VAC14: variants seen among roughly 807,000 people sequenced by gnomAD.
VAC14 encodes the protein protein VAC14 homolog.
VAC14 carries 47 observed loss-of-function variants against 85.3 expected under a neutral mutation model. That is an observed-to-expected ratio of 0.55 (90% CI 0.44 to 0.70). VAC14 has a LOEUF of 0.70. Ranked by LOEUF, VAC14 falls within the 30% of genes least tolerant of loss-of-function variation. The pLI is 0.00. For synonymous variants in VAC14, 447 were observed against 430.5 expected, an observed-to-expected ratio of 1.04 and a Z score of -0.47; for missense variants, 861 against 1,004.3, an observed-to-expected ratio of 0.86 and a Z score of 1.93.
intron 14 of VAC14, among the ~76,000 whole-genome samples, chr16:70,706,328 G>C (rs1490715074): frequency 2.6e-5 from 4 of 152,214 alleles, no homozygotes; most frequent in African/African-American, 9.7e-5. Context: ...GACTCCACCG[G>C]TCTCTCTGCA....
chr16:70,687,991 G>T lies in VAC14; in HGVS notation c.2286C>A (p.His762Gln). 3.1e-6 allele frequency: 5 copies of T among 1,602,490 alleles called. No homozygotes were observed. The highest frequency in any genetic ancestry group is 1.1e-5 in the South Asian group (1 of 89,702). The change falls in exon 19 of 19, where the codon CAC (histidine) becomes CAA (glutamine). Residue 762 changes from histidine (H) to glutamine (Q), a missense_variant. Transcript: ENST00000261776. ...CGCTCCGCTGGTGCCGCACTTCCAG[G>T]TGCTTGTTCTGGACCTTCTCAAAGT... is the stretch of plus-strand genomic sequence containing the variant. ...LQHFEKVQNKHLEVRHQRSGR... is the reference protein window; with the variant it reads ...LQHFEKVQNKQLEVRHQRSGR...
intron 14 of VAC14, among the ~76,000 whole-genome samples, chr16:70,711,808 A>T (rs908335823): frequency 1.3e-5 from 2 of 152,220 alleles, no homozygotes; most frequent in African/African-American, 2.4e-5. Context: ...TCTAGGCTTT[A>T]TAAGTGCCCA....
At chr16:70,739,360 G>A (rs2030030077) in intron 13 of VAC14, among the ~76,000 whole-genome samples, 1 of 152,236 alleles carries the variant, frequency 6.6e-6, no homozygotes, top group Non-Finnish European at 1.5e-5. Context: ...GTGGCTGGAG[G>A]AAGTGGTGGC....
chr16:70,738,306 C>T (rs1348954418), intron 13 of VAC14, among the ~76,000 whole-genome samples: 2 of 152,170 alleles, frequency 1.3e-5, no homozygotes, highest in African/African-American at 4.8e-5. Flanking sequence ...ACTCGGGAAC[C>T]CACTCAAGGG....
At chr16:70,700,870 C>A (rs1199195926) in intron 14 of VAC14, among the ~76,000 whole-genome samples, 1 of 152,208 alleles carries the variant, frequency 6.6e-6, no homozygotes, top group African/African-American at 2.4e-5. Flanking sequence ...ACAGCTGAGC[C>A]GCTGCCAGGC....
At chr16:70,691,308 G>A in intron 18 of VAC14, 1 of 985,436 alleles carries the variant, frequency 1.0e-6, no homozygotes, top group Non-Finnish European at 1.2e-6. Context: ...CCCACAGGGA[G>A]ACTGGAGGTC....
In VAC14 at chr16:70,698,749, C is replaced by A. The variant is rs761690207; in HGVS notation, c.1724G>T (p.Arg575Leu). The change falls in exon 15 of 19, where the codon CGG becomes CTG. Residue 575 changes from arginine to leucine, a missense_variant. Arg to Leu is a moderately radical substitution (Grantham distance 102, BLOSUM62 -2). Coordinates refer to ENST00000261776, the MANE Select transcript of VAC14 (RefSeq NM_018052.5). ...CGAGGCGAACTTGAGGTCCTCCTCC[C>A]GCAGCAGGATGTCTGCCATTGAGTG... ...IFHSMADILL[R>L]EEDLKFASTM... is the part of the protein sequence containing the mutation. 1 of 1,614,202 alleles carries A rather than the reference C, an allele frequency of 6.2e-7. No homozygotes were observed. The highest frequency in any genetic ancestry group is 8.5e-7 in the Non-Finnish European group (1 of 1,180,032).
chr16:70,692,494 G>A (rs374107976), intron 18 of VAC14, among the ~76,000 whole-genome samples: 1 of 152,104 alleles, frequency 6.6e-6, no homozygotes, highest in East Asian at 1.9e-4. Context: ...TTCTCTCCAG[G>A]GTCCTCTGTC....
chr16:70,794,472 G>C (rs1421341450), intron 1 of VAC14, among the ~76,000 whole-genome samples: 1 of 152,160 alleles, frequency 6.6e-6, no homozygotes, highest in African/African-American at 2.4e-5. Context: ...GCACAAAGAG[G>C]TTAAATCAGA....
rs538383919 is a variant in VAC14 at position 70,695,803 on chromosome 16, G to T, written c.1956-180C>A. The stretch of plus-strand genomic sequence containing the variant: ...TGTTCCTCGCCTTTCTGTCCTAAAT[G>T]GAACTCCCCTGTTCAGGAGTTCCAG... On this transcript the variant is annotated intron_variant, in intron 16 of 18. Coordinates refer to ENST00000261776, the MANE Select transcript of VAC14 (RefSeq NM_018052.5). 2.3e-4 allele frequency: 135 copies of T among 586,230 alleles called. 1 individual carries two copies. The South Asian group carries it at 2.5e-3, about 11-fold the overall frequency. 36.3% of individuals were successfully genotyped at this position (586,230 alleles called of 1,614,324 possible).
intron 14 of VAC14, among the ~76,000 whole-genome samples, chr16:70,723,742 G>A (rs1287422741): frequency 6.6e-6 from 1 of 152,120 alleles, no homozygotes; most frequent in Non-Finnish European, 1.5e-5. Flanking sequence ...TGGGGGAGGT[G>A]ATGCTTCTCA....
chr16:70,771,335 T>A (rs1411999239), intron 10 of VAC14: 3 of 152,180 alleles, frequency 2.0e-5, no homozygotes, highest in Non-Finnish European at 4.4e-5. Context: ...GCCGGTGATT[T>A]ATCCTTAATC....
chr16:70,738,016 G>A (rs1205625905), intron 13 of VAC14, among the ~76,000 whole-genome samples: 6 of 152,220 alleles, frequency 3.9e-5, no homozygotes, highest in Admixed American at 6.5e-5. Flanking sequence ...GGCCGCTCAG[G>A]GGAGGCAGCA....
At chr16:70,750,177 GCTT>G (rs2031264764) in intron 12 of VAC14, among the ~76,000 whole-genome samples, 1 of 152,222 alleles carries the variant, frequency 6.6e-6, no homozygotes, top group Admixed American at 6.5e-5. Flanking sequence ...TCCTGCCTCA[GCTT>G]CCAGGAAAAC....
At chr16:70,698,891 G>GT (rs2053766874) in intron 14 of VAC14, 80 bp from the exon 15 acceptor site, 12 of 1,256,368 alleles carry the variant, frequency 9.6e-6, no homozygotes, top group Non-Finnish European at 1.3e-5. Context: ...CCTCCTCTTG[G>GT]TTTTGCAGCG....
At chr16:70,735,819 G>A (rs969033511) in intron 13 of VAC14, among the ~76,000 whole-genome samples, 7 of 152,242 alleles carry the variant, frequency 4.6e-5, no homozygotes, top group African/African-American at 1.7e-4. Context: ...TGGCTTGGGA[G>A]GTCCTGAGTG....
At chr16:70,784,644 C>G (rs2033964664) in intron 4 of VAC14, 132 bp downstream of exon 4, 3 of 885,940 alleles carry the variant, frequency 3.4e-6, no homozygotes, top group Non-Finnish European at 5.5e-6. Flanking sequence ...AACTGCACAC[C>G]AGGGAGTACA....
chr16:70,737,991 A>G (rs921048345), intron 13 of VAC14, among the ~76,000 whole-genome samples: 2 of 152,174 alleles, frequency 1.3e-5, no homozygotes, highest in Non-Finnish European at 2.9e-5. Context: ...TGGAGGATAC[A>G]AGGGAAGGGC....
At chr16:70,745,512 TGTGTGTGCGC>T (rs1469651543) in intron 12 of VAC14, among the ~76,000 whole-genome samples, 82 of 144,946 alleles carry the variant, frequency 5.7e-4, no homozygotes, top group African/African-American at 2.1e-3. Context: ...TGTGTGTGTG[TGTGTGTGCGC>T]GTGTGCGCGC....
Sources: gnomAD v4.1 joint callset for allele counts (sites outside exome capture counted in the v4.1 genomes callset) on GRCh38, gnomAD v4.1.1 for gene constraint, MANE v1.5 for transcripts, NCBI Gene and HGNC (gene_info 2026-07-23, HGNC 2026-07-21) for gene names.